The following DOCK3 variants were observed in gnomAD, a reference collection of about 807,000 sequenced individuals.
DOCK3 encodes dedicator of cytokinesis 3.
DOCK3 carries 60 observed loss-of-function variants against 265.6 expected under a neutral mutation model. The observed-to-expected ratio is 0.23, with a 90% CI of 0.18 to 0.28. The LOEUF (loss-of-function observed/expected upper bound fraction) is 0.28, where lower values mean the gene tolerates loss of function less well. Ranked by LOEUF, DOCK3 falls within the 10% of genes least tolerant of loss-of-function variation. The pLI, the probability that DOCK3 is intolerant of heterozygous loss-of-function variation, is 1.00. For missense variants in DOCK3, 1,981 were observed against 2,594.3 expected (o/e 0.76, Z 5.14); for synonymous variants, 881 against 938.0 (o/e 0.94, Z 1.11).
intron 12 of DOCK3, among the ~76,000 whole-genome samples, chr3:51,176,497 G>C (rs1004280084): frequency 2.0e-5 from 3 of 152,108 alleles, no homozygotes; most frequent in Admixed American, 1.3e-4. Context: ...GTGGTGGCGG[G>C]TGCCTGTAGT....
chr3:51,227,320 G>A lies in DOCK3; in HGVS notation c.1415G>A (p.Ser472Asn), dbSNP rs760332189. The change falls in exon 16 of 53, where the codon AGT becomes AAT. Residue 472 changes from serine (S) to asparagine (N), a missense_variant. Transcript: ENST00000266037. ...TTGGGTTCAGGAGAGCCAAATAGGA[G>A]TTCCTACCACTCCTTTGTCCTCTAC... ...ISLGSGEPNRSSYHSFVLYHS... is the reference protein window; with the variant it reads ...ISLGSGEPNRNSYHSFVLYHS... The A allele has an allele frequency of 1.9e-6, 3 of 1,613,872 alleles. No individual in the cohort carries two copies. The South Asian group carries it at 3.3e-5, about 18-fold the overall frequency.
intron 9 of DOCK3, among the ~76,000 whole-genome samples, chr3:51,109,816 C>G (rs2083437898): frequency 6.6e-6 from 1 of 151,876 alleles, no homozygotes; most frequent in Non-Finnish European, 1.5e-5. Flanking sequence ...ACCTGTAGTC[C>G]CAGCTACTCG....
At position 51,341,367 on chromosome 3, in the gene DOCK3, C is replaced by G. The variant is rs774136609; in HGVS notation, c.3897C>G (p.His1299Gln). ...AGGGACTGTGCCGGAAGATCATTCA[C>G]TACTTCAACAAAGGCAAGGTATGCA... Reference protein sequence around the residue: ...RKEGLCRKIIHYFNKGKSWEF... With the variant: ...RKEGLCRKIIQYFNKGKSWEF... Residue 1299 changes from histidine (H) to glutamine (Q), a missense_variant, in exon 38 of 53, where the codon CAC becomes CAG. By Grantham distance (24) the His-to-Gln change is conservative. Around this residue, in one of 4 missense-constraint regions of DOCK3, gnomAD observed 1,357 missense variants for 1,866.8 expected, o/e 0.73. Coordinates refer to ENST00000266037, the MANE Select transcript of DOCK3 (RefSeq NM_004947.5). The G allele has an allele frequency of 6.2e-7, 1 of 1,613,842 alleles. No homozygotes were observed. The highest frequency in any genetic ancestry group is 1.7e-5 in the Admixed American group (1 of 60,008).
chr3:51,180,217 A>AC (rs1407745631), intron 12 of DOCK3, among the ~76,000 whole-genome samples: 7 of 148,606 alleles, frequency 4.7e-5, no homozygotes, highest in Non-Finnish European at 1.0e-4. Context: ...CAAAAAAAAA[A>AC]AAAAAAAAAC....
chr3:50,744,695 A>G (rs1356089496), intron 1 of DOCK3, among the ~76,000 whole-genome samples: 1 of 152,194 alleles, frequency 6.6e-6, no homozygotes, highest in African/African-American at 2.4e-5. Flanking sequence ...TTGGCCTCCC[A>G]AAGTGTTGGG....
intron 2 of DOCK3, among the ~76,000 whole-genome samples, chr3:50,802,928 G>A (rs929445978): frequency 6.6e-6 from 1 of 151,674 alleles, no homozygotes; most frequent in Admixed American, 6.6e-5. Flanking sequence ...TTATTCACAT[G>A]ATGGTGTTTC....
At chr3:50,806,713 G>T (rs1347194380) in intron 2 of DOCK3, among the ~76,000 whole-genome samples, 1 of 152,018 alleles carries the variant, frequency 6.6e-6, no homozygotes, top group Admixed American at 6.6e-5. Flanking sequence ...TGGGTGCTTG[G>T]CATAATGAAG....
chr3:50,760,273 A>G (rs1054712664), intron 1 of DOCK3, among the ~76,000 whole-genome samples: 23 of 152,136 alleles, frequency 1.5e-4, no homozygotes, highest in Non-Finnish European at 3.1e-4. Flanking sequence ...TCTTTGTTGA[A>G]TGATCCTGGC....
intron 12 of DOCK3, among the ~76,000 whole-genome samples, chr3:51,165,372 A>G (rs2086345706): frequency 6.6e-6 from 1 of 152,254 alleles, no homozygotes; most frequent in Admixed American, 6.5e-5. Context: ...GATTTGATAT[A>G]CATAAACATT....
chr3:51,096,958 G>A (rs1248975069), intron 9 of DOCK3, among the ~76,000 whole-genome samples: 1 of 151,964 alleles, frequency 6.6e-6, no homozygotes, highest in Admixed American at 6.6e-5. Flanking sequence ...CTGCAGAACA[G>A]CAATGTTCCT....
At chr3:51,200,027 C>T (rs1169693020) in intron 12 of DOCK3, among the ~76,000 whole-genome samples, 1 of 152,052 alleles carries the variant, frequency 6.6e-6, no homozygotes, top group African/African-American at 2.4e-5. Flanking sequence ...ACCAAAAACC[C>T]ATCTGTACAT....
chr3:50,919,156 A>G (rs1173425756), intron 4 of DOCK3, among the ~76,000 whole-genome samples: 1 of 152,150 alleles, frequency 6.6e-6, no homozygotes. Flanking sequence ...TGTTTTGGTT[A>G]CTGCAGCCTT....
intron 4 of DOCK3, among the ~76,000 whole-genome samples, chr3:50,919,726 A>G (rs1348267048): frequency 2.6e-5 from 4 of 152,104 alleles, no homozygotes; most frequent in Non-Finnish European, 5.9e-5. Context: ...TCTTTTCCTA[A>G]TTAAATACCC....
chr3:51,380,969 C>T, intron 52 of DOCK3, 81 bp from the exon 53 acceptor site: 2 of 1,477,096 alleles, frequency 1.4e-6, no homozygotes, highest in East Asian at 2.3e-5. Flanking sequence ...CATTCATAAG[C>T]AGGCTCTTGG....
Position 51,310,314 on chromosome 3 carries a change from T to C in DOCK3, c.3005T>C (p.Leu1002Pro). 1 of 1,598,398 alleles carries C rather than the reference T, an allele frequency of 6.3e-7. No homozygotes were observed. The highest frequency in any genetic ancestry group is 8.5e-7 in the Non-Finnish European group (1 of 1,172,170). The stretch of plus-strand genomic sequence containing the variant: ...CCTCGGGACTGGATGGTAATGAGAC[T>C]GCTCACAAGCAAGTAAGTATGGAAG... ...VFPRDWMVMR[L>P]LTSNIIVTTV... Residue 1002 changes from leucine to proline, a missense_variant, in exon 28 of 53, where the codon CTG (leucine) becomes CCG (proline). By Grantham distance (98) the Leu-to-Pro change is moderately conservative. Around this residue, in one of 4 missense-constraint regions of DOCK3, gnomAD observed 1,357 missense variants for 1,866.8 expected, o/e 0.73. Coordinates refer to ENST00000266037, the MANE Select transcript of DOCK3 (RefSeq NM_004947.5).
At chr3:51,327,676 CTT>C (rs563361812) in intron 32 of DOCK3, among the ~76,000 whole-genome samples, 103 of 124,188 alleles carry the variant, frequency 8.3e-4, no homozygotes, top group African/African-American at 2.9e-3. Flanking sequence ...CCATCACCAG[CTT>C]TTTTTTTTTT....
chr3:51,145,955 C>A (rs1209783613), intron 9 of DOCK3, among the ~76,000 whole-genome samples: 1 of 152,142 alleles, frequency 6.6e-6, no homozygotes, highest in Non-Finnish European at 1.5e-5. Flanking sequence ...AGGGTTTGTG[C>A]GCCTGTGAAA....
chr3:50,806,296 A>G (rs772227328), intron 2 of DOCK3, among the ~76,000 whole-genome samples: 42 of 151,400 alleles, frequency 2.8e-4, no homozygotes, highest in Non-Finnish European at 5.2e-4. Flanking sequence ...TTGCAGGGCT[A>G]TTTTCACATC....
chr3:50,726,039 A>G (rs1473954474), intron 1 of DOCK3, among the ~76,000 whole-genome samples: 3 of 152,220 alleles, frequency 2.0e-5, no homozygotes, highest in Non-Finnish European at 2.9e-5. Flanking sequence ...TAGTATTTGC[A>G]TATAACCTGT....
Sources: gnomAD v4.1 joint callset for allele counts (sites outside exome capture counted in the v4.1 genomes callset) on GRCh38, gnomAD v4.1.1 for gene constraint, gnomAD v4.1.1 regional missense constraint, MANE v1.5 for transcripts, NCBI Gene and HGNC (gene_info 2026-07-23, HGNC 2026-07-21) for gene names.